Variants in PRPSAP1 observed in about 807,000 individuals in gnomAD.
The protein encoded by PRPSAP1 is phosphoribosyl pyrophosphate synthetase associated protein 1.
PRPSAP1 carries 31 observed loss-of-function variants against 39.4 expected under a neutral mutation model. The ratio of observed to expected loss-of-function variants is 0.79; its 90% confidence interval spans 0.59 to 1.06. The LOEUF is 1.06. PRPSAP1 is among the 50% of genes least tolerant of loss of function. PRPSAP1 has a pLI of 0.00. For missense variants in PRPSAP1, 430 were observed against 511.6 expected (o/e 0.84, Z 1.54); for synonymous variants, 212 against 192.6 (o/e 1.10, Z -0.83).
intron 3 of PRPSAP1, among the ~76,000 whole-genome samples, chr17:76,336,097 C>A (rs987633917): frequency 1.9e-4 from 29 of 152,296 alleles, no homozygotes; most frequent in African/African-American, 5.8e-4. Context: ...CATTAATGAA[C>A]AAGATAAACA....
In PRPSAP1 at chr17:76,313,869, T is replaced by A. The variant is rs140910793; in HGVS notation, c.804A>T (p.Pro268=). The A allele has an allele frequency of 3.7e-6, 6 of 1,614,088 alleles. No homozygotes were observed. The highest frequency in any genetic ancestry group is 5.1e-6 in the Non-Finnish European group (6 of 1,180,046). ...ELPLMMAKEK[P]PITVVGDVGG... is the part of the protein sequence containing the mutation. ...CAACATCTCCAACTACAGTTATCGG[T>A]GGCTTCTCTTTGGCCATCATCACTA... is the stretch of plus-strand genomic sequence containing the variant. The change falls in exon 8 of 10, where the codon CCA becomes CCT. Residue 268 remains proline, a synonymous_variant. Transcript: ENST00000446526.
intron 3 of PRPSAP1, among the ~76,000 whole-genome samples, chr17:76,332,830 AGCT>A (rs1489741686): frequency 1.3e-5 from 2 of 151,990 alleles, no homozygotes; most frequent in Non-Finnish European, 2.9e-5. Context: ...CCTTCCATTT[AGCT>A]GCCATTAACA....
At chr17:76,323,288 G>A (rs1046053991) in intron 7 of PRPSAP1, among the ~76,000 whole-genome samples, 2 of 148,494 alleles carry the variant, frequency 1.3e-5, no homozygotes, top group African/African-American at 5.1e-5. Flanking sequence ...GTTGCACTGA[G>A]CCGAGATTGC....
chr17:76,339,241 C>T (rs1024127061), intron 3 of PRPSAP1, among the ~76,000 whole-genome samples: 1 of 151,118 alleles, frequency 6.6e-6, no homozygotes, highest in Non-Finnish European at 1.5e-5. Flanking sequence ...CCCGTCTCTA[C>T]TAAAAATACA....
chr17:76,337,976 A>G (rs2071396830), intron 3 of PRPSAP1, among the ~76,000 whole-genome samples: 1 of 152,140 alleles, frequency 6.6e-6, no homozygotes, highest in Non-Finnish European at 1.5e-5. Flanking sequence ...CATAAAAATT[A>G]ACCTTTAAAA....
rs538337876 is a variant in PRPSAP1 at position 76,325,598 on chromosome 17, A to ATTT, written c.781+3116_781+3118dup. On this transcript the variant is annotated intron_variant, in intron 7 of 9. Transcript: ENST00000446526. ...AAGATGGAGGCTCAGATGACTGCTA[A>ATTT]TTTTTTTTTTTTTTTTTTGAGACAG... is the stretch of plus-strand genomic sequence containing the variant. Among the ~76,000 whole-genome samples, 21 of 118,968 alleles carry ATTT rather than the reference A, an allele frequency of 1.8e-4. 1 individual carries two copies. Among genetic ancestry groups the ATTT allele is most frequent in the African/African-American group, 5.2e-4 (15 of 29,006 alleles). 78.0% of individuals were successfully genotyped at this position (118,968 alleles called of 152,430 possible).
At chr17:76,340,926 A>T (rs1007394268) in intron 3 of PRPSAP1, among the ~76,000 whole-genome samples, 3 of 147,540 alleles carry the variant, frequency 2.0e-5, no homozygotes, top group Non-Finnish European at 4.5e-5. Flanking sequence ...AGCGGGGGGT[A>T]GGGGGGGACT....
At chr17:76,342,696 T>C (rs1355468343) in intron 3 of PRPSAP1, among the ~76,000 whole-genome samples, 7 of 137,662 alleles carry the variant, frequency 5.1e-5, no homozygotes. Flanking sequence ...CCTGCATGAG[T>C]GACACAGCAA....
intron 3 of PRPSAP1, among the ~76,000 whole-genome samples, chr17:76,333,037 G>A (rs1372937371): frequency 2.0e-5 from 3 of 151,700 alleles, no homozygotes; most frequent in African/African-American, 4.8e-5. Context: ...GACTACAGGC[G>A]CCCGCCACCT....
Position 76,353,829 on chromosome 17 carries a change from G to A in PRPSAP1, c.-126C>T, listed in dbSNP as rs115365276. On this transcript the variant is annotated 5_prime_UTR_variant, in exon 1 of 10. Transcript: ENST00000446526. ...ACTCGGCGCAAGCGGGGAGAGCTCC[G>A]AGGTCCGTGCCCTTGCGCACCCCAC... The A allele has an allele frequency of 1.1e-5, 15 of 1,382,538 alleles. No homozygotes were observed. Among genetic ancestry groups the A allele is most frequent in the Non-Finnish European group, 1.4e-5 (15 of 1,076,676 alleles). 85.6% of individuals were successfully genotyped at this position (1,382,538 alleles called of 1,614,324 possible). A position where few individuals can be genotyped will look rare whatever the true frequency, so the allele number is the denominator to read the frequency against.
At chr17:76,313,683 G>T in intron 8 of PRPSAP1, 138 bp downstream of exon 8, 1 of 901,398 alleles carries the variant, frequency 1.1e-6, no homozygotes, top group Non-Finnish European at 1.7e-6. Flanking sequence ...CTGCCACTTG[G>T]CACAAGGGAG....
chr17:76,333,707 T>C (rs1053666243), intron 3 of PRPSAP1, among the ~76,000 whole-genome samples: 1 of 151,818 alleles, frequency 6.6e-6, no homozygotes, highest in Non-Finnish European at 1.5e-5. Context: ...TTCCCTGACA[T>C]ATAAATTCCT....
At chr17:76,334,677 G>A (rs1460996576) in intron 3 of PRPSAP1, among the ~76,000 whole-genome samples, 3 of 151,794 alleles carry the variant, frequency 2.0e-5, no homozygotes, top group Non-Finnish European at 2.9e-5. Flanking sequence ...ACTGATGCAG[G>A]GCTCAACTTC....
chr17:76,342,722 T>TAAA (rs1216047984), intron 3 of PRPSAP1, among the ~76,000 whole-genome samples: 1 of 120,494 alleles, frequency 8.3e-6, no homozygotes. Flanking sequence ...TGTCTCAAAT[T>TAAA]AAAAAAAAAA....
rs751980286 is a variant in PRPSAP1, at chr17:76,328,800, C to T, written c.698G>A (p.Cys233Tyr). ...GLAVIHGEAQ[C>Y]TELDMDDGRH... ...ACCATCGTCCATGTCCAGTTCCGTG[C>T]ACTGAGCTTCCCCGTGAATGACGGC... Residue 233 changes from cysteine (C) to tyrosine (Y), a missense_variant, in exon 7 of 10, where the codon TGC becomes TAC. By Grantham distance (194) the Cys-to-Tyr change is radical (BLOSUM62 -2). Coordinates refer to ENST00000446526, the MANE Select transcript of PRPSAP1 (RefSeq NM_002766.3). 1.1e-5 allele frequency: 18 copies of T among 1,614,030 alleles called. No individual in the cohort carries two copies. The African/African-American group carries it at 2.3e-4, about 20-fold the overall frequency.
At chr17:76,316,899 T>C (rs2071130646) in intron 7 of PRPSAP1, among the ~76,000 whole-genome samples, 2 of 152,374 alleles carry the variant, frequency 1.3e-5, no homozygotes, top group South Asian at 4.1e-4. Flanking sequence ...TACAAGCACC[T>C]GCACACATGT....
chr17:76,347,382 G>A (rs561826723), intron 2 of PRPSAP1, among the ~76,000 whole-genome samples: 1 of 151,034 alleles, frequency 6.6e-6, no homozygotes, highest in Admixed American at 6.7e-5. Flanking sequence ...AGCTACTTGG[G>A]AGGCTGAGGC....
chr17:76,312,227 G>A (rs1261356273), intron 9 of PRPSAP1, among the ~76,000 whole-genome samples: 2 of 152,172 alleles, frequency 1.3e-5, no homozygotes, highest in Non-Finnish European at 2.9e-5. Context: ...GATCACCTGA[G>A]GTCAGGAGTT....
At chr17:76,323,716 GT>G (rs538514428) in intron 7 of PRPSAP1, among the ~76,000 whole-genome samples, 10 of 145,782 alleles carry the variant, frequency 6.9e-5, no homozygotes, top group Admixed American at 1.4e-4. Context: ...AAGGTTTTTT[GT>G]TTTTTTTTTT....
Sources: allele counts gnomAD v4.1 joint callset (sites outside exome capture counted in the v4.1 genomes callset), GRCh38; gene constraint gnomAD v4.1.1; transcripts MANE v1.5; gene names NCBI Gene and HGNC (gene_info 2026-07-23, HGNC 2026-07-21).